The following SPATA13 variants were observed in gnomAD, a reference collection of about 807,000 sequenced individuals.
SPATA13 encodes spermatogenesis-associated protein 13.
In SPATA13, 50 loss-of-function variants were observed where a neutral mutation model predicts 104.0. That is an observed-to-expected ratio of 0.48 (90% confidence interval 0.38 to 0.61). SPATA13 has a LOEUF of 0.61. Among genes scored for constraint, SPATA13 ranks in the 20% least tolerant of loss-of-function variants. The pLI, the probability that SPATA13 is intolerant of heterozygous loss-of-function variation, is 0.00. For synonymous variants in SPATA13, 606 were observed against 667.5 expected (o/e 0.91, Z 1.42); for missense variants, 1,524 against 1,690.6 (o/e 0.90, Z 1.73).
At chr13:24,010,810 G>A (rs1467373965) in intron 2 of SPATA13, among the ~76,000 whole-genome samples, 2 of 152,038 alleles carry the variant, frequency 1.3e-5, no homozygotes, top group African/African-American at 4.8e-5. Flanking sequence ...TGGTGGATCT[G>A]AGGGCCCTGG....
In SPATA13 at chr13:24,233,622, A is replaced by G. The variant is rs1220599; in HGVS notation, c.1653+9040A>G. On this transcript the variant is annotated intron_variant, in intron 2 of 12. Transcript: ENST00000382108. ...TAACAATGGAATCATTTTCTAAGTC[A>G]GTTTAAAAAAAAAAGTTTCCATTTG... is the stretch of plus-strand genomic sequence containing the variant. 6.5e-3 allele frequency among the ~76,000 whole-genome samples: 985 copies of G among 151,996 alleles called. 8 individuals are homozygous for G. Among genetic ancestry groups the G allele is most frequent in the African/African-American group, 0.023 (946 of 41,270 alleles).
chr13:24,026,947 A>C (rs1019665645), intron 3 of SPATA13, among the ~76,000 whole-genome samples: 2 of 151,768 alleles, frequency 1.3e-5, no homozygotes, highest in African/African-American at 4.8e-5. Context: ...CTGACTCACT[A>C]TCTTTAGTTT....
chr13:24,130,788 C>T (rs1881369308), intron 3 of SPATA13, among the ~76,000 whole-genome samples: 1 of 152,214 alleles, frequency 6.6e-6, no homozygotes, highest in Non-Finnish European at 1.5e-5. Flanking sequence ...CGCTATTTTC[C>T]TGGACCTAAA....
rs187700665 is a variant in SPATA13 at position 24,125,180 on chromosome 13, C to T, written c.-111-97639C>T. Among the ~76,000 whole-genome samples, 1,335 of 152,304 alleles carry T rather than the reference C, an allele frequency of 8.8e-3. 17 individuals are homozygous for T. Among genetic ancestry groups the T allele is most frequent in the African/African-American group, 0.03 (1,264 of 41,554 alleles). ...ATAACATCAGCTTGCGTGGAGAGGC[C>T]GCTACACTGGCTCTGGAATCGGTGC... On this transcript the variant is annotated intron_variant, in intron 3 of 14. Transcript: ENST00000424834.
chr13:24,290,777 G>A lies in SPATA13; in HGVS notation c.2973G>A (p.Gln991=), dbSNP rs1352649393. The A allele has an allele frequency of 6.2e-7, 1 of 1,614,248 alleles. No homozygotes were observed. Among genetic ancestry groups the A allele is most frequent in the Admixed American group, 1.7e-5 (1 of 60,028 alleles). ...HFFEACRLLQ[Q]MIDIAIDGFL... ...TTGAAGCCTGCCGCCTGCTGCAGCA[G>A]ATGATTGACATCGCCATCGACGGGT... is the stretch of plus-strand genomic sequence containing the variant. The change falls in exon 9 of 13, where the codon CAG becomes CAA. Residue 991 remains glutamine, a synonymous_variant. Coordinates refer to ENST00000382108, the MANE Select transcript of SPATA13 (RefSeq NM_001166271.3).
chr13:24,237,459 G>T (rs1428374249), intron 2 of SPATA13, among the ~76,000 whole-genome samples: 1 of 152,190 alleles, frequency 6.6e-6, no homozygotes, highest in Non-Finnish European at 1.5e-5. Flanking sequence ...AATAAATACT[G>T]TATGATTCCA....
intron 3 of SPATA13, among the ~76,000 whole-genome samples, chr13:24,146,301 C>G (rs7335680): frequency 0.72 from 109,192 of 152,128 alleles, 39,798 homozygotes; most frequent in Non-Finnish European, 0.77. Context: ...CAAGGCTGTT[C>G]CCATTGTGAA....
In SPATA13 at chr13:24,289,169, T is replaced by C; in HGVS notation, c.2838T>C (p.Phe946=). 1 of 1,608,274 alleles carries C rather than the reference T, an allele frequency of 6.2e-7. No homozygotes were observed. The highest frequency in any genetic ancestry group is 8.5e-7 in the Non-Finnish European group (1 of 1,178,758). ...ACTTAAGTGAAATAGGATCTTGCTT[T>C]CTTCAAAATGTGCGTCACCCTTTAC... ...EPHLSEIGSC[F]LQNQEGFAIY... Residue 946 remains phenylalanine, a synonymous_variant, in exon 8 of 13, where the codon TTT becomes TTC. Transcript: ENST00000382108.
intron 4 of SPATA13, among the ~76,000 whole-genome samples, chr13:24,263,171 GT>G (rs1874140378): frequency 6.6e-6 from 1 of 152,128 alleles, no homozygotes; most frequent in African/African-American, 2.4e-5. Context: ...TTGTTCTCTT[GT>G]TTTTTGAATT....
At chr13:24,090,103 A>C (rs1879863560) in intron 3 of SPATA13, among the ~76,000 whole-genome samples, 1 of 152,054 alleles carries the variant, frequency 6.6e-6, no homozygotes, top group Non-Finnish European at 1.5e-5. Context: ...AGACTATAGC[A>C]CTGGACTTCC....
chr13:24,159,537 T>G (rs1453455912), upstream of SPATA13, among the ~76,000 whole-genome samples: 1 of 152,196 alleles, frequency 6.6e-6, no homozygotes, highest in African/African-American at 2.4e-5. Flanking sequence ...ACTGACATCT[T>G]ACATTCGAGT....
At chr13:24,038,638 C>T (rs1199599434) in intron 3 of SPATA13, among the ~76,000 whole-genome samples, 1 of 152,148 alleles carries the variant, frequency 6.6e-6, no homozygotes, top group African/African-American at 2.4e-5. Context: ...TGACTCAGCT[C>T]TGCCATTGCT....
intron 2 of SPATA13, among the ~76,000 whole-genome samples, chr13:24,009,879 C>CT (rs2137684219): frequency 6.6e-6 from 1 of 152,280 alleles, no homozygotes; most frequent in African/African-American, 2.4e-5. Flanking sequence ...GCCTAAATAA[C>CT]TTTTTCAGGT....
intron 1 of SPATA13, among the ~76,000 whole-genome samples, chr13:24,196,792 A>G (rs1470897341): frequency 2.0e-5 from 3 of 152,208 alleles, no homozygotes; most frequent in Admixed American, 6.5e-5. Context: ...CTTAGTGTTC[A>G]GTAATATTAT....
intron 3 of SPATA13, among the ~76,000 whole-genome samples, chr13:24,071,124 G>A (rs541955851): frequency 1.3e-4 from 20 of 152,282 alleles, no homozygotes; most frequent in African/African-American, 4.3e-4. Flanking sequence ...CTAGGGATGC[G>A]TAGAAAACTA....
chr13:24,052,578 C>T (rs1878382900), intron 3 of SPATA13, among the ~76,000 whole-genome samples: 1 of 151,442 alleles, frequency 6.6e-6, no homozygotes, highest in African/African-American at 2.4e-5. Flanking sequence ...CTCTCCTCAC[C>T]CTCCCGTTTC....
At chr13:24,177,698 C>T (rs1029227787) in intron 1 of SPATA13, among the ~76,000 whole-genome samples, 2 of 151,932 alleles carry the variant, frequency 1.3e-5, no homozygotes, top group African/African-American at 4.8e-5. Flanking sequence ...GTGATCCTTC[C>T]ACCTTGGCCT....
chr13:24,181,976 G>A (rs1593388847), intron 1 of SPATA13, among the ~76,000 whole-genome samples: 2 of 152,200 alleles, frequency 1.3e-5, no homozygotes, highest in Non-Finnish European at 2.9e-5. Flanking sequence ...TTAGCCGGAT[G>A]TGGTGGCACT....
At chr13:24,017,031 G>T (rs1876747594) in intron 2 of SPATA13, among the ~76,000 whole-genome samples, 1 of 152,226 alleles carries the variant, frequency 6.6e-6, no homozygotes. Flanking sequence ...AGGTAGTGAG[G>T]AGCGCCCGAA....
Sources: allele counts gnomAD v4.1 joint callset (sites outside exome capture counted in the v4.1 genomes callset), GRCh38; gene constraint gnomAD v4.1.1; transcripts MANE v1.5; gene names NCBI Gene and HGNC (gene_info 2026-07-23, HGNC 2026-07-21).